LTBP1: variants seen among roughly 807,000 people sequenced by gnomAD.
LTBP1 encodes latent transforming growth factor beta binding protein 1.
LTBP1 carries 129 observed loss-of-function variants against 207.6 expected under a neutral mutation model. That is an observed-to-expected ratio of 0.62 (90% confidence interval 0.54 to 0.72). The LOEUF (loss-of-function observed/expected upper bound fraction) is 0.72, where lower values mean the gene tolerates loss of function less well. Among genes scored for constraint, LTBP1 ranks in the 30% least tolerant of loss-of-function variants. The probability of loss-of-function intolerance (pLI) is 0.00; values close to 1 mark genes in which losing one functional copy is unlikely to be tolerated. For missense variants in LTBP1, 2,281 were observed against 2,217.2 expected, an observed-to-expected ratio of 1.03 and a Z score of -0.58; for synonymous variants, 963 against 833.7, an observed-to-expected ratio of 1.16 and a Z score of -2.67.
intron 2 of LTBP1, among the ~76,000 whole-genome samples, chr2:32,991,624 C>A (rs1015956210): frequency 1.1e-4 from 16 of 152,224 alleles, no homozygotes; most frequent in African/African-American, 3.9e-4. Context: ...TTTCGGTCAA[C>A]TGTTTTCAGT....
chr2:33,046,037 A>G (rs1442477239), intron 3 of LTBP1, among the ~76,000 whole-genome samples: 1 of 152,168 alleles, frequency 6.6e-6, no homozygotes, highest in Non-Finnish European at 1.5e-5. Context: ...GGTTTTCTAA[A>G]TATACAATCA....
chr2:33,093,812 T>G (rs551018275), intron 3 of LTBP1, among the ~76,000 whole-genome samples: 1 of 152,064 alleles, frequency 6.6e-6, no homozygotes, highest in Non-Finnish European at 1.5e-5. Flanking sequence ...ATGATGATGA[T>G]TATCATCATC....
At chr2:33,123,613 T>C (rs2081272681) in intron 4 of LTBP1, among the ~76,000 whole-genome samples, 1 of 152,218 alleles carries the variant, frequency 6.6e-6, no homozygotes, top group Admixed American at 6.5e-5. Flanking sequence ...TAAGAACATA[T>C]ACTCTGAGCA....
rs78317376 is a variant in LTBP1 at position 33,365,080 on chromosome 2, A to G, written c.4541-253A>G. Among the ~76,000 whole-genome samples the G allele has an allele frequency of 3.9e-5, 6 of 152,324 alleles. No individual in the cohort carries two copies. In the East Asian group the frequency reaches 1.2e-3, roughly 29 times the overall value. ...ACAAGCAAGATAGTGGGCATTTTAT[A>G]TAAAAGTAGGAAGCTATAGAGAACT... On this transcript the variant is annotated intron_variant, in intron 30 of 33. Transcript: ENST00000404816.
At chr2:33,252,509 A>C (rs2092712532) in intron 10 of LTBP1, among the ~76,000 whole-genome samples, 168 bp from the exon 11 acceptor site, 1 of 152,196 alleles carries the variant, frequency 6.6e-6, no homozygotes, top group African/African-American at 2.4e-5. Flanking sequence ...TCTAAAACTC[A>C]CATGGTAAAC....
chr2:32,975,701 C>T (rs1463755542), intron 2 of LTBP1, among the ~76,000 whole-genome samples: 5 of 133,016 alleles, frequency 3.8e-5, no homozygotes, highest in African/African-American at 1.4e-4. Context: ...GCTGTTAATA[C>T]TTGTTATGAT....
At chr2:33,309,306 G>T in intron 22 of LTBP1, 128 bp from the exon 23 acceptor site, 22 of 545,412 alleles carry the variant, frequency 4.0e-5, no homozygotes, top group Non-Finnish European at 6.2e-5. Flanking sequence ...AAGTTAAAAA[G>T]TTGTCATGTA....
At chr2:33,122,832 C>T (rs1572734272) in intron 4 of LTBP1, among the ~76,000 whole-genome samples, 1 of 119,844 alleles carries the variant, frequency 8.3e-6, no homozygotes, top group South Asian at 2.9e-4. Context: ...GTTCTGGGTT[C>T]TCTTGAGACG....
At chr2:32,999,177 T>A (rs183138233) in intron 2 of LTBP1, among the ~76,000 whole-genome samples, 2 of 152,330 alleles carry the variant, frequency 1.3e-5, no homozygotes, top group African/African-American at 4.8e-5. Context: ...ATCTGGGGGC[T>A]TGTTAGAAGT....
chr2:33,365,262 T>A, intron 30 of LTBP1, 71 bp from the exon 31 acceptor site: 1 of 1,351,780 alleles, frequency 7.4e-7, no homozygotes, highest in South Asian at 1.3e-5. Context: ...TGAGACTTGC[T>A]GGCTTCCAAC....
At chr2:33,069,731 A>T (rs2077694136) in intron 3 of LTBP1, among the ~76,000 whole-genome samples, 1 of 152,206 alleles carries the variant, frequency 6.6e-6, no homozygotes, top group Admixed American at 6.5e-5. Flanking sequence ...TTGCCTCTTC[A>T]TTCTCCCTTT....
chr2:33,186,976 A>T lies in LTBP1; in HGVS notation c.1322A>T (p.Lys441Ile), dbSNP rs2087270309. The change falls in exon 6 of 34, where the codon AAA (lysine) becomes ATA (isoleucine). Residue 441 changes from lysine to isoleucine, a missense_variant. This residue lies in a region of LTBP1 where 1,671 missense variants were observed against 1,634.8 expected (regional missense o/e 1.02). Coordinates refer to ENST00000404816, the MANE Select transcript of LTBP1 (RefSeq NM_206943.4). ...QIPVHGASVP[K>I]LYQHSQQPGK... ...CCAGTCCATGGTGCCAGCGTGCCTA[A>T]ACTTTATCAGCATTCCCAGCAGCCA... The T allele has an allele frequency of 6.2e-7, 1 of 1,614,208 alleles. No individual in the cohort carries two copies. Among genetic ancestry groups the T allele is most frequent in the Non-Finnish European group, 8.5e-7 (1 of 1,180,036 alleles).
chr2:33,330,408 A>G (rs1211905993), intron 24 of LTBP1, among the ~76,000 whole-genome samples: 1 of 151,822 alleles, frequency 6.6e-6, no homozygotes, highest in Non-Finnish European at 1.5e-5. Flanking sequence ...AATGTTGACT[A>G]GAAGTGGTGA....
In LTBP1 at chr2:33,259,597, C is replaced by T. The variant is rs199853454; in HGVS notation, c.2405C>T (p.Ala802Val). The change falls in exon 13 of 34, where the codon GCA (alanine) becomes GTA (valine). Residue 802 changes from alanine (A) to valine (V), a missense_variant. Around this residue, in one of 3 missense-constraint regions of LTBP1, gnomAD observed 1,671 missense variants for 1,634.8 expected, o/e 1.02. Transcript: ENST00000404816. ...PGVAEPEVAT[A>V]PPEKEIPSLD... The stretch of plus-strand genomic sequence containing the variant: ...TCTTTTCTGGTTTTAGTGGCAACTG[C>T]ACCCCCTGAAAAGGTAATTTATTCA... 1.2e-6 allele frequency: 2 copies of T among 1,603,120 alleles called. No homozygotes were observed. The highest frequency in any genetic ancestry group is 1.7e-5 in the Admixed American group (1 of 59,048).
intron 33 of LTBP1, among the ~76,000 whole-genome samples, chr2:33,397,674 ATTTT>A (rs71409616): frequency 0.11 from 12,698 of 117,526 alleles, 642 homozygotes; most frequent in African/African-American, 0.16. Flanking sequence ...CACCCGGCTA[ATTTT>A]TTTTTTTTTT....
At chr2:32,989,170 A>G (rs1684038873) in intron 2 of LTBP1, among the ~76,000 whole-genome samples, 1 of 152,232 alleles carries the variant, frequency 6.6e-6, no homozygotes, top group Non-Finnish European at 1.5e-5. Flanking sequence ...TTTTAAAATA[A>G]GGATATAATT....
At chr2:33,099,559 G>T (rs1463683950) in intron 3 of LTBP1, among the ~76,000 whole-genome samples, 3 of 152,190 alleles carry the variant, frequency 2.0e-5, no homozygotes, top group African/African-American at 7.2e-5. Context: ...ATATCTCATA[G>T]AGTCCTGTAC....
chr2:32,981,865 C>T (rs1682811667), intron 2 of LTBP1, among the ~76,000 whole-genome samples: 1 of 152,190 alleles, frequency 6.6e-6, no homozygotes, highest in African/African-American at 2.4e-5. Context: ...TTTGCCTCCC[C>T]AGTCATGTGG....
intron 5 of LTBP1, among the ~76,000 whole-genome samples, chr2:33,153,813 A>G (rs563082343): frequency 3.3e-5 from 5 of 152,350 alleles, no homozygotes; most frequent in South Asian, 4.1e-4. Context: ...ATTCTTTAGC[A>G]GTCAAAATAC....
Sources: gnomAD v4.1 joint callset for allele counts (sites outside exome capture counted in the v4.1 genomes callset) on GRCh38, gnomAD v4.1.1 for gene constraint, gnomAD v4.1.1 regional missense constraint, MANE v1.5 for transcripts, NCBI Gene and HGNC (gene_info 2026-07-23, HGNC 2026-07-21) for gene names.